Variants in AEBP2 observed in about 807,000 individuals in gnomAD.
AEBP2 encodes zinc finger protein AEBP2.
AEBP2 carries 10 observed loss-of-function variants against 50.8 expected under a neutral mutation model. The ratio of observed to expected loss-of-function variants is 0.20; its 90% CI spans 0.12 to 0.33. AEBP2 has a LOEUF of 0.33. Among genes scored for constraint, AEBP2 ranks in the 10% least tolerant of loss-of-function variants. AEBP2 has a pLI of 1.00. For missense variants in AEBP2, 570 were observed against 688.0 expected (o/e 0.83, Z 1.92); for synonymous variants, 296 against 261.3 (o/e 1.13, Z -1.28).
At chr12:19,498,676 A>G (rs560316473) in intron 4 of AEBP2, among the ~76,000 whole-genome samples, 4 of 152,304 alleles carry the variant, frequency 2.6e-5, no homozygotes, top group Admixed American at 2.0e-4. Context: ...CCACAAATGT[A>G]AAATAATCAA....
At chr12:19,463,046 C>A (rs760744257) in intron 2 of AEBP2, among the ~76,000 whole-genome samples, 6 of 152,158 alleles carry the variant, frequency 3.9e-5, no homozygotes, top group Non-Finnish European at 8.8e-5. Context: ...TTAGCACTTT[C>A]TTGATTTTCC....
intron 1 of AEBP2, among the ~76,000 whole-genome samples, chr12:19,432,010 T>G (rs1380519705): frequency 1.3e-5 from 2 of 152,172 alleles, no homozygotes; most frequent in African/African-American, 4.8e-5. Context: ...CTGGGTCTGT[T>G]GCTGGGCTCA....
chr12:19,499,282 C>G (rs1311118341), intron 4 of AEBP2, among the ~76,000 whole-genome samples: 1 of 152,040 alleles, frequency 6.6e-6, no homozygotes, highest in South Asian at 2.1e-4. Context: ...GATCATTGTT[C>G]AAATAGTTGT....
At chr12:19,435,581 T>G (rs957821322), upstream of AEBP2, among the ~76,000 whole-genome samples, 2 of 152,102 alleles carry the variant, frequency 1.3e-5, no homozygotes, top group Non-Finnish European at 2.9e-5. Flanking sequence ...ATCTAATATT[T>G]AACTATTTTT....
chr12:19,418,919 C>CAGCCTCTGAGCT, intron 1 of AEBP2: 3 of 152,226 alleles, frequency 2.0e-5, no homozygotes, highest in East Asian at 3.9e-4. Flanking sequence ...GCCTCTGAGC[C>CAGCCTCTGAGCT]AACCTCTCCT....
intron 2 of AEBP2, among the ~76,000 whole-genome samples, chr12:19,470,260 C>T (rs889903166): frequency 2.0e-5 from 3 of 151,818 alleles, no homozygotes; most frequent in Admixed American, 2.0e-4. Flanking sequence ...CAGGTTCAAG[C>T]GATTCTCCTG....
At chr12:19,487,359 G>A (rs1012589350) in intron 3 of AEBP2, among the ~76,000 whole-genome samples, 2 of 151,942 alleles carry the variant, frequency 1.3e-5, no homozygotes, top group African/African-American at 4.8e-5. Context: ...TGATTATTTA[G>A]TATATTCACA....
At chr12:19,503,739 G>A (rs1949116369) in intron 5 of AEBP2, among the ~76,000 whole-genome samples, 1 of 151,036 alleles carries the variant, frequency 6.6e-6, no homozygotes, top group Non-Finnish European at 1.5e-5. Flanking sequence ...GCCCAGGCTG[G>A]TTTTGAACTC....
At chr12:19,501,529 C>T (rs2120518161) in intron 5 of AEBP2, among the ~76,000 whole-genome samples, 1 of 151,470 alleles carries the variant, frequency 6.6e-6, no homozygotes, top group East Asian at 2.0e-4. Context: ...CCCAGTTACC[C>T]AGGAGGCTGA....
At chr12:19,471,653 G>A (rs1487626539) in intron 2 of AEBP2, among the ~76,000 whole-genome samples, 1 of 151,748 alleles carries the variant, frequency 6.6e-6, no homozygotes, top group African/African-American at 2.4e-5. Flanking sequence ...CCACCCCTGA[G>A]TAGCTGGGAC....
At position 19,439,558 on chromosome 12, in the gene AEBP2, C is replaced by T; in HGVS notation, c.-142C>T. 8.8e-7 allele frequency: 1 copy of T among 1,135,524 alleles called. No individual in the cohort carries two copies. The highest frequency in any genetic ancestry group is 1.2e-6 in the Non-Finnish European group (1 of 834,156). 70.3% of individuals were successfully genotyped at this position (1,135,524 alleles called of 1,614,324 possible). On this transcript the variant is annotated 5_prime_UTR_variant, in exon 1 of 8. Coordinates refer to ENST00000266508, the MANE Select transcript of AEBP2 (RefSeq NM_153207.5). The stretch of plus-strand genomic sequence containing the variant: ...GCGGGCTCCGTAGCGCGTGTGCAGG[C>T]TGACGCAGCTCGCGGGCCCTCCTCC...
At chr12:19,405,517 G>A (rs1189650781) in intron 1 of AEBP2, among the ~76,000 whole-genome samples, 1 of 151,280 alleles carries the variant, frequency 6.6e-6, no homozygotes, top group South Asian at 2.1e-4. Context: ...GTACAGACAG[G>A]GTTTCACCAT....
rs549424400 is a variant in AEBP2 at position 19,519,128 on chromosome 12, A to C, written c.*1011A>C. The C allele has an allele frequency of 6.5e-6, 1 of 153,090 alleles. No individual in the cohort carries two copies. Among genetic ancestry groups the C allele is most frequent in the South Asian group, 2.1e-4 (1 of 4,842 alleles). The allele number at this position is 153,090 out of a possible 1,614,324, so 9.5% of individuals were successfully genotyped here. ...AAGCCATATCGATTTTTTTTAACTT[A>C]CAGAAATGGAAATATGTGTAACTTG... is the stretch of plus-strand genomic sequence containing the variant. On this transcript the variant is annotated 3_prime_UTR_variant, in exon 8 of 8. Coordinates refer to ENST00000266508, the MANE Select transcript of AEBP2 (RefSeq NM_153207.5).
At chr12:19,498,603 CT>C (rs1463108325) in intron 4 of AEBP2, among the ~76,000 whole-genome samples, 1 of 152,038 alleles carries the variant, frequency 6.6e-6, no homozygotes, top group East Asian at 1.9e-4. Flanking sequence ...CAAGCCAACT[CT>C]TTTATTAGTG....
intron 1 of AEBP2, among the ~76,000 whole-genome samples, chr12:19,432,510 A>G (rs1161738411): frequency 4.6e-5 from 7 of 152,254 alleles, no homozygotes; most frequent in Admixed American, 2.6e-4. Context: ...CCTGGGCAAC[A>G]TGGCAAAATC....
rs1456000407 is a variant in AEBP2, at chr12:19,425,932, G to C, written c.-17+21716G>C. Among the ~76,000 whole-genome samples, 5 of 151,962 alleles carry C rather than the reference G, an allele frequency of 3.3e-5. No individual in the cohort carries two copies. The East Asian group carries it at 9.7e-4, about 29-fold the overall frequency. On this transcript the variant is annotated intron_variant, in intron 1 of 3. Transcript: ENST00000538425. ...TGCTTGATTCCCAAGCTGTCCTATG[G>C]TGGGATTTCTGTTTTTCTTTTTGAG... is the stretch of plus-strand genomic sequence containing the variant.
At chr12:19,438,594 ATTTGT>A (rs1220556811), upstream of AEBP2, among the ~76,000 whole-genome samples, 1 of 152,250 alleles carries the variant, frequency 6.6e-6, no homozygotes, top group Non-Finnish European at 1.5e-5. Context: ...TTTGAAATAG[ATTTGT>A]TTTGATCGGT....
At chr12:19,456,757 C>T (rs532632383) in intron 1 of AEBP2, 72 of 1,590,012 alleles carry the variant, frequency 4.5e-5, no homozygotes, top group Admixed American at 1.3e-4. Flanking sequence ...TGGTGCATTT[C>T]GACAGATTTT....
intron 1 of AEBP2, among the ~76,000 whole-genome samples, chr12:19,424,880 G>A (rs547011209): frequency 2.6e-4 from 40 of 151,988 alleles, no homozygotes; most frequent in African/African-American, 9.4e-4. Flanking sequence ...ATGGTTGTGT[G>A]CACCTGTAGG....
Sources: gnomAD v4.1 joint callset for allele counts (sites outside exome capture counted in the v4.1 genomes callset) on GRCh38, gnomAD v4.1.1 for gene constraint, MANE v1.5 for transcripts, NCBI Gene and HGNC (gene_info 2026-07-23, HGNC 2026-07-21) for gene names.